Variants in CACNB4 observed in about 807,000 individuals in gnomAD.
CACNB4 encodes voltage-dependent L-type calcium channel subunit beta-4.
In CACNB4, 32 loss-of-function variants were observed where a neutral mutation model predicts 71.2. The observed-to-expected ratio is 0.45, with a 90% confidence interval of 0.34 to 0.60. The LOEUF is 0.60. Ranked by LOEUF, CACNB4 falls within the 20% of genes least tolerant of loss-of-function variation. The probability of loss-of-function intolerance (pLI) is 0.01; values close to 1 mark genes in which losing one functional copy is unlikely to be tolerated. For missense variants in CACNB4, 464 were observed against 647.9 expected, an observed-to-expected ratio of 0.72 and a Z score of 3.08; for synonymous variants, 231 against 236.9, an observed-to-expected ratio of 0.97 and a Z score of 0.23.
intron 2 of CACNB4, among the ~76,000 whole-genome samples, chr2:151,992,479 A>G (rs1681764127): frequency 6.6e-6 from 1 of 152,262 alleles, no homozygotes; most frequent in Non-Finnish European, 1.5e-5. Flanking sequence ...CGTTGTTAGC[A>G]TGTAACTATG....
At chr2:152,033,371 G>A (rs993799107) in intron 2 of CACNB4, among the ~76,000 whole-genome samples, 2 of 152,168 alleles carry the variant, frequency 1.3e-5, no homozygotes, top group African/African-American at 2.4e-5. Context: ...GAGGGGATGC[G>A]ACCAGCATCC....
At chr2:151,991,085 T>C (rs1681679250) in intron 2 of CACNB4, among the ~76,000 whole-genome samples, 2 of 152,188 alleles carry the variant, frequency 1.3e-5, no homozygotes, top group Non-Finnish European at 2.9e-5. Context: ...CATTTGAAAA[T>C]ATCTCAGAGG....
At chr2:151,883,809 T>C (rs1170367556) in intron 2 of CACNB4, 8 of 244,288 alleles carry the variant, frequency 3.3e-5, no homozygotes, top group Non-Finnish European at 6.5e-5. Context: ...GATTTCAATA[T>C]AGTAAAGCAT....
chr2:151,864,233 T>C (rs936393606), intron 9 of CACNB4, among the ~76,000 whole-genome samples: 3 of 152,144 alleles, frequency 2.0e-5, no homozygotes, highest in African/African-American at 7.2e-5. Flanking sequence ...AAAAGACTAA[T>C]AGGAGTTTAG....
chr2:151,978,908 G>T (rs1339883042), intron 2 of CACNB4, among the ~76,000 whole-genome samples: 1 of 152,042 alleles, frequency 6.6e-6, no homozygotes, highest in African/African-American at 2.4e-5. Flanking sequence ...ACTGCTCCTC[G>T]TGCCAAGGCT....
intron 2 of CACNB4, among the ~76,000 whole-genome samples, chr2:152,009,667 C>A (rs561323061): frequency 2.0e-5 from 3 of 152,180 alleles, no homozygotes; most frequent in Non-Finnish European, 2.9e-5. Flanking sequence ...AGGAAGTAAC[C>A]TTTGTGCCAT....
intron 2 of CACNB4, among the ~76,000 whole-genome samples, chr2:152,035,572 TCTCTCTCTCTCTCTCC>T (rs1278247433): frequency 6.9e-6 from 1 of 144,612 alleles, no homozygotes; most frequent in South Asian, 2.1e-4. Flanking sequence ...TCTCTCTTTC[TCTCTCTCTCTCTCTCC>T]CTCTCTCTCT....
intron 2 of CACNB4, among the ~76,000 whole-genome samples, chr2:151,949,534 A>G (rs1454479357): frequency 6.6e-6 from 1 of 152,176 alleles, no homozygotes; most frequent in African/African-American, 2.4e-5. Context: ...GGTATAAAAC[A>G]GCATGGTCCG....
At chr2:151,842,186 T>G in intron 12 of CACNB4, 98 bp from the exon 13 acceptor site, 1 of 1,006,086 alleles carries the variant, frequency 9.9e-7, no homozygotes, top group African/African-American at 1.6e-5. Context: ...TTTTAATAGC[T>G]ATTAGCTAAA....
At chr2:151,856,653 C>T (rs1362351160) in intron 10 of CACNB4, 1 of 151,968 alleles carries the variant, frequency 6.6e-6, no homozygotes, top group Non-Finnish European at 1.5e-5. Context: ...TAGGTGTGAC[C>T]AAACAATGCT....
rs1411876388 is a variant in CACNB4, at chr2:151,838,077, CTCAA to C, written c.*1038_*1041del. 6.6e-6 allele frequency: 1 copy of C among 152,136 alleles called. No individual in the cohort carries two copies. The highest frequency in any genetic ancestry group is 1.5e-5 in the Non-Finnish European group (1 of 67,992). 9.4% of individuals were successfully genotyped at this position (152,136 alleles called of 1,614,324 possible). On this transcript the variant is annotated 3_prime_UTR_variant, in exon 14 of 14. Transcript: ENST00000539935. ...GACTGAGAGAAGCAATGGAAAGATA[CTCAA>C]TCTTGTTGGCAGGAAATACAGACCC...
chr2:151,892,410 G>T (rs13422296), intron 2 of CACNB4, among the ~76,000 whole-genome samples: 1 of 151,672 alleles, frequency 6.6e-6, no homozygotes, highest in East Asian at 1.9e-4. Context: ...ACATAAAAAA[G>T]AATAATATAG....
intron 2 of CACNB4, among the ~76,000 whole-genome samples, chr2:151,950,516 T>C (rs2099866657): frequency 1.3e-5 from 2 of 152,190 alleles, no homozygotes; most frequent in East Asian, 3.9e-4. Context: ...CGAATACTTG[T>C]CCATGAATGT....
At chr2:151,925,536 T>C (rs1260099762) in intron 2 of CACNB4, among the ~76,000 whole-genome samples, 1 of 152,220 alleles carries the variant, frequency 6.6e-6, no homozygotes, top group Non-Finnish European at 1.5e-5. Flanking sequence ...ATCTATCATT[T>C]TGGAATCATG....
intron 2 of CACNB4, among the ~76,000 whole-genome samples, chr2:152,012,660 G>GA (rs1683128627): frequency 6.6e-6 from 1 of 150,990 alleles, no homozygotes; most frequent in South Asian, 2.1e-4. Flanking sequence ...AGGATAAATA[G>GA]AAAATATATT....
intron 2 of CACNB4, among the ~76,000 whole-genome samples, chr2:152,018,434 C>T (rs980762485): frequency 6.6e-6 from 1 of 151,936 alleles, no homozygotes. Flanking sequence ...AATAATATTC[C>T]TGATGTTGCA....
At chr2:151,969,412 A>G (rs1021086816) in intron 2 of CACNB4, 10 of 152,230 alleles carry the variant, frequency 6.6e-5, no homozygotes, top group African/African-American at 2.4e-4. Flanking sequence ...GCACAAGGAT[A>G]TATCTTCATA....
chr2:152,001,713 C>A lies in CACNB4; in HGVS notation c.147+96617G>T, dbSNP rs1342031252. Among the ~76,000 whole-genome samples the A allele has an allele frequency of 6.2e-5, 6 of 96,716 alleles. No homozygotes were observed. In the South Asian group the frequency reaches 2.1e-3, roughly 34 times the overall value. 63.4% of individuals were successfully genotyped at this position (96,716 alleles called of 152,430 possible). On this transcript the variant is annotated intron_variant, in intron 2 of 13. Transcript: ENST00000539935. The stretch of plus-strand genomic sequence containing the variant: ...GGGCAACAAGAGCAAAACTCTGTCT[C>A]GAAAGAAAAAAAAAAAAAAAGAGAA...
intron 13 of CACNB4, 187 bp downstream of exon 13, chr2:151,841,716 T>G: frequency 1.9e-6 from 1 of 526,572 alleles, no homozygotes; most frequent in Admixed American, 3.7e-5. Context: ...TCTCAGGAAA[T>G]TGTCAGTCTC....
Sources: allele counts gnomAD v4.1 joint callset (sites outside exome capture counted in the v4.1 genomes callset), GRCh38; gene constraint gnomAD v4.1.1; transcripts MANE v1.5; gene names NCBI Gene and HGNC (gene_info 2026-07-23, HGNC 2026-07-21).